The following MACF1 variants were observed in gnomAD, a reference collection of about 807,000 sequenced individuals.
The protein encoded by MACF1 is microtubule actin crosslinking factor 1.
Under a neutral mutation model 854.8 loss-of-function variants are expected in MACF1, and 193 were observed. The observed-to-expected ratio is 0.23, with a 90% CI of 0.20 to 0.25. The LOEUF is 0.25. Ranked by LOEUF, MACF1 falls within the 10% of genes least tolerant of loss-of-function variation. The pLI is 1.00. For synonymous variants in MACF1, 3,185 were observed against 3,226.7 expected (o/e 0.99, Z 0.44); for missense variants, 7,722 against 8,929.1 (o/e 0.86, Z 5.45).
rs537095284 is a variant in MACF1, at chr1:39,458,275, A to G, written c.21076-95A>G. On this transcript the variant is annotated intron_variant, in intron 89 of 100. Coordinates refer to ENST00000564288, the MANE Select transcript of MACF1 (RefSeq NM_001394062.1). Reference sequence around the variant, plus strand: ...CCTCCACACAGCCTTTCCTGCCACCACAGGCCGTAAAGTACCCATCCTAGC... The same window carrying G: ...CCTCCACACAGCCTTTCCTGCCACCGCAGGCCGTAAAGTACCCATCCTAGC... 83 of 1,244,054 alleles carry G rather than the reference A, an allele frequency of 6.7e-5. No individual in the cohort carries two copies. In the African/African-American group the frequency reaches 1.0e-3, roughly 15 times the overall value. 77.1% of individuals were successfully genotyped at this position (1,244,054 alleles called of 1,614,324 possible).
chr1:39,293,632 C>T lies in MACF1; in HGVS notation c.2154+13C>T, dbSNP rs1415709196. On this transcript the variant is annotated intron_variant, in intron 18 of 100. Coordinates refer to ENST00000564288, the MANE Select transcript of MACF1 (RefSeq NM_001394062.1). ...AAATTACTTCTCTGTGAGTCTAGCA[C>T]AGTAGCAGGCCTGTCATACTTATTT... 2 of 1,607,688 alleles carry T rather than the reference C, an allele frequency of 1.2e-6. No homozygotes were observed. The highest frequency in any genetic ancestry group is 2.7e-5 in the African/African-American group (2 of 74,756).
intron 6 of MACF1, among the ~76,000 whole-genome samples, chr1:39,281,231 A>T (rs971498488): frequency 3.3e-5 from 5 of 152,124 alleles, no homozygotes; most frequent in African/African-American, 9.7e-5. Context: ...AAAATATAAA[A>T]ATCCCCTGTA....
chr1:39,405,185 A>G (rs1039015580), intron 58 of MACF1, among the ~76,000 whole-genome samples: 10 of 152,176 alleles, frequency 6.6e-5, no homozygotes, highest in African/African-American at 1.9e-4. Flanking sequence ...GTGTCATGCT[A>G]TGTTGCTTTA....
At chr1:39,440,684 T>C (rs1409232946) in intron 72 of MACF1, among the ~76,000 whole-genome samples, 1 of 152,214 alleles carries the variant, frequency 6.6e-6, no homozygotes, top group Non-Finnish European at 1.5e-5. Context: ...ATTTTACCCT[T>C]GATATGTTTC....
At chr1:39,254,077 G>A (rs1266510547) in intron 4 of MACF1, 2 of 505,662 alleles carry the variant, frequency 4.0e-6, no homozygotes, top group Non-Finnish European at 7.1e-6. Context: ...CTGTGTTTGC[G>A]AGATGCGTAG....
At chr1:39,440,077 T>TTTTCTTTTCA (rs1287934150) in intron 72 of MACF1, among the ~76,000 whole-genome samples, 5 of 102,902 alleles carry the variant, frequency 4.9e-5, no homozygotes, top group African/African-American at 2.0e-4. Context: ...TTGGTGCTAT[T>TTTTCTTTTCA]TTTCTTTTCT....
intron 1 of MACF1, among the ~76,000 whole-genome samples, chr1:39,212,446 T>C (rs549415512): frequency 6.6e-6 from 1 of 152,152 alleles, no homozygotes; most frequent in South Asian, 2.1e-4. Flanking sequence ...TTAGGAGAAA[T>C]AGGTTCTGCT....
In MACF1 at chr1:39,334,520, G is replaced by C. The variant is rs778043261; in HGVS notation, c.7932G>C (p.Gln2644His). 4.3e-6 allele frequency: 7 copies of C among 1,614,128 alleles called. No homozygotes were observed. The highest frequency in any genetic ancestry group is 5.9e-6 in the Non-Finnish European group (7 of 1,179,980). ...KKCKIDIESG[Q>H]RYLEVIPFSD... The stretch of plus-strand genomic sequence containing the variant: ...GTAAGATTGATATTGAATCTGGACA[G>C]AGATATCTAGAAGTAATTCCCTTCT... The change falls in exon 37 of 101, where the codon CAG becomes CAC. Residue 2644 changes from glutamine to histidine, a missense_variant. Physicochemically the swap from Gln to His is conservative, Grantham distance 24. Transcript: ENST00000564288.
intron 6 of MACF1, chr1:39,269,311 A>G: frequency 7.8e-7 from 1 of 1,289,884 alleles, no homozygotes. Flanking sequence ...CCTAGGACAG[A>G]CTACCCCACT....
At position 39,262,126 on chromosome 1, in the gene MACF1, G is replaced by A. The variant is rs1645169470; in HGVS notation, c.528+4098G>A. Among the ~76,000 whole-genome samples, 4 of 152,226 alleles carry A rather than the reference G, an allele frequency of 2.6e-5. No individual in the cohort carries two copies. In the South Asian group the frequency reaches 8.3e-4, roughly 32 times the overall value. On this transcript the variant is annotated intron_variant, in intron 6 of 100. Coordinates refer to ENST00000564288, the MANE Select transcript of MACF1 (RefSeq NM_001394062.1). ...GAGTGTATGGAAGATACACGGCTGA[G>A]TGCAATGGCTCACACCTGTAATCCC...
At chr1:39,149,467 G>T (rs1014768723) in intron 2 of MACF1, among the ~76,000 whole-genome samples, 4 of 152,052 alleles carry the variant, frequency 2.6e-5, no homozygotes, top group African/African-American at 9.7e-5. Flanking sequence ...GGCGGAGGTC[G>T]CTGTGAGCCG....
At chr1:39,427,403 AGT>A in intron 61 of MACF1, 50 bp from the exon 62 acceptor site, 1 of 1,516,754 alleles carries the variant, frequency 6.6e-7, no homozygotes, top group Non-Finnish European at 9.1e-7. Flanking sequence ...TACTATTACC[AGT>A]TTTAATGTGA....
At chr1:39,155,875 G>A (rs376976531) in intron 2 of MACF1, among the ~76,000 whole-genome samples, 3 of 151,166 alleles carry the variant, frequency 2.0e-5, no homozygotes, top group Non-Finnish European at 3.0e-5. Flanking sequence ...GTCCACCACC[G>A]TGCTCGGCTA....
rs780110559 is a variant in MACF1 at position 39,333,549 on chromosome 1, A to G, written c.6961A>G (p.Thr2321Ala). The change falls in exon 37 of 101, where the codon ACT becomes GCT. Residue 2321 changes from threonine (T) to alanine (A), a missense_variant. This residue lies in a region of MACF1 where 1,531 missense variants were observed against 1,601.6 expected (regional missense o/e 0.96). Coordinates refer to ENST00000564288, the MANE Select transcript of MACF1 (RefSeq NM_001394062.1). ...AISRGIVPSH[T>A]AVKLMEKLNM... The stretch of plus-strand genomic sequence containing the variant: ...ATCCCGAGGCATTGTGCCAAGTCAC[A>G]CTGCCGTGAAGCTTATGGAGAAGCT... 5 of 1,614,112 alleles carry G rather than the reference A, an allele frequency of 3.1e-6. No homozygotes were observed. The highest frequency in any genetic ancestry group is 3.4e-6 in the Non-Finnish European group (4 of 1,180,040).
intron 2 of MACF1, among the ~76,000 whole-genome samples, chr1:39,108,892 A>G (rs1174589513): frequency 1.3e-5 from 2 of 152,188 alleles, no homozygotes; most frequent in East Asian, 3.8e-4. Context: ...GGTAACATCT[A>G]TCTGGTACTT....
At chr1:39,416,245 T>C (rs1448193755) in intron 58 of MACF1, among the ~76,000 whole-genome samples, 3 of 152,020 alleles carry the variant, frequency 2.0e-5, no homozygotes, top group Non-Finnish European at 4.4e-5. Context: ...CTGATGGATT[T>C]TTGATTCATT....
At chr1:39,360,287 A>G (rs577643737) in intron 47 of MACF1, among the ~76,000 whole-genome samples, 2 of 151,844 alleles carry the variant, frequency 1.3e-5, no homozygotes, top group East Asian at 1.9e-4. Flanking sequence ...TACTTCTAGT[A>G]TTAATATACC....
In MACF1 at chr1:39,410,480, G is replaced by A. The variant is rs753237350; in HGVS notation, c.15817-11894G>A. On this transcript the variant is annotated intron_variant, in intron 58 of 100. Transcript: ENST00000564288. ...AAGATGGAAGGAAGTACTATATCCA[G>A]CAATGGTACATTAGGAGCAGCATCT... 2.5e-6 allele frequency: 4 copies of A among 1,614,058 alleles called. No individual in the cohort carries two copies. The Admixed American group carries it at 6.7e-5, about 27-fold the overall frequency.
chr1:39,285,753 T>C lies in MACF1; in HGVS notation c.1503T>C (p.Ala501=), dbSNP rs1169312608. 2 of 1,613,960 alleles carry C rather than the reference T, an allele frequency of 1.2e-6. No individual in the cohort carries two copies. The highest frequency in any genetic ancestry group is 2.2e-5 in the East Asian group (1 of 44,870). Residue 501 remains alanine (A), a synonymous_variant, in exon 14 of 101, where the codon GCT becomes GCC. Coordinates refer to ENST00000564288, the MANE Select transcript of MACF1 (RefSeq NM_001394062.1). ...ATTACTACCAGCTAGAAGAGCTGGC[T>C]TTTAGGTGAGGAACAAGGGACTCAA... ...DENYYQLEEL[A]FRVMRLQDEL...
Sources: allele counts gnomAD v4.1 joint callset (sites outside exome capture counted in the v4.1 genomes callset), GRCh38; gene constraint gnomAD v4.1.1; regional missense constraint gnomAD v4.1.1; transcripts MANE v1.5; gene names NCBI Gene and HGNC (gene_info 2026-07-23, HGNC 2026-07-21).